ZNF746: variants seen among roughly 807,000 people sequenced by gnomAD.
ZNF746 encodes zinc finger protein 746.
A neutral mutation model predicts 41.0 loss-of-function variants in ZNF746; 13 were observed. The ratio of observed to expected loss-of-function variants is 0.32; its 90% CI spans 0.21 to 0.50. The LOEUF (loss-of-function observed/expected upper bound fraction) is 0.50, where lower values mean the gene tolerates loss of function less well. Ranked by LOEUF, ZNF746 falls within the 20% of genes least tolerant of loss-of-function variation. The pLI, the probability that ZNF746 is intolerant of heterozygous loss-of-function variation, is 0.98. For synonymous variants in ZNF746, 424 were observed against 396.2 expected (o/e 1.07, Z -0.83); for missense variants, 811 against 922.9 (o/e 0.88, Z 1.57).
chr7:149,476,708 C>T (rs1323732518), intron 6 of ZNF746, among the ~76,000 whole-genome samples: 1 of 152,194 alleles, frequency 6.6e-6, no homozygotes, highest in Admixed American at 6.5e-5. Flanking sequence ...AAGCAACAGA[C>T]TGAAACATGG....
intron 4 of ZNF746, among the ~76,000 whole-genome samples, chr7:149,485,593 C>T (rs1477442651): frequency 6.6e-6 from 1 of 152,102 alleles, no homozygotes; most frequent in African/African-American, 2.4e-5. Context: ...TTCTTAATTG[C>T]TTAAGACACA....
At chr7:149,486,915 A>G (rs554566391) in intron 4 of ZNF746, among the ~76,000 whole-genome samples, 1 of 152,330 alleles carries the variant, frequency 6.6e-6, no homozygotes, top group South Asian at 2.1e-4. Context: ...TATAATACAC[A>G]GTAACAATGT....
chr7:149,483,760 AAGAT>A (rs1800547719), intron 4 of ZNF746, among the ~76,000 whole-genome samples: 1 of 152,210 alleles, frequency 6.6e-6, no homozygotes, highest in South Asian at 2.1e-4. Flanking sequence ...AGAGAAGACA[AAGAT>A]AGAATATAGT....
chr7:149,483,906 G>A (rs536548019), intron 4 of ZNF746, among the ~76,000 whole-genome samples: 4 of 152,262 alleles, frequency 2.6e-5, no homozygotes, highest in Middle Eastern at 3.4e-3. Context: ...AAATGCAGCA[G>A]AGATTTAAAA....
At position 149,474,717 on chromosome 7, in the gene ZNF746, G is replaced by C. The variant is rs746556439; in HGVS notation, c.1650C>G (p.Gly550=). The C allele has an allele frequency of 1.9e-6, 3 of 1,611,690 alleles. No homozygotes were observed. The South Asian group carries it at 3.3e-5, about 18-fold the overall frequency. The change falls in exon 7 of 7, where the codon GGC becomes GGG. Residue 550 remains glycine, a synonymous_variant. Coordinates refer to ENST00000458143, the MANE Select transcript of ZNF746 (RefSeq NM_001394198.1). The surrounding 1 kb of genome is among the most constrained non-coding windows in gnomAD (Gnocchi z 6.3). Reference sequence around the variant, plus strand: ...ACTCGGTGCAGGGGAAGGGCCGCTCGCCGGTGTGCAGCATGCGATGGCGGA... The same window carrying C: ...ACTCGGTGCAGGGGAAGGGCCGCTCCCCGGTGTGCAGCATGCGATGGCGGA... ...HLIRHRMLHT[G]ERPFPCTECE... is the part of the protein sequence containing the mutation.
intron 4 of ZNF746, among the ~76,000 whole-genome samples, chr7:149,478,198 G>C (rs574619802): frequency 1.1e-3 from 164 of 152,046 alleles, no homozygotes; most frequent in Non-Finnish European, 2.0e-3. Flanking sequence ...AGTCAATCAC[G>C]AGTTACAGTG....
intron 4 of ZNF746, 61 bp downstream of exon 4, chr7:149,492,798 C>T (rs1160886575): frequency 8.2e-7 from 1 of 1,214,564 alleles, no homozygotes; most frequent in Non-Finnish European, 1.2e-6. Context: ...CCTTTCTGGC[C>T]TTTCCGTCTC....
chr7:149,474,750 C>A lies in ZNF746; in HGVS notation c.1617G>T (p.Ala539=). Residue 539 remains alanine (A), a synonymous_variant, in exon 7 of 7, where the codon GCG becomes GCT. Coordinates refer to ENST00000458143, the MANE Select transcript of ZNF746 (RefSeq NM_001394198.1). This position sits in a 1 kb window ranked among gnomAD's most constrained non-coding sequence, Gnocchi z 6.3. ...GCAGCATGCGATGGCGGATGAGGTGCGCGGGGCGCGTGAAGCAACGGCCGC... is the reference window on the plus strand; with the variant it reads ...GCAGCATGCGATGGCGGATGAGGTGAGCGGGGCGCGTGAAGCAACGGCCGC... ...GECGRCFTRP[A]HLIRHRMLHT... is the part of the protein sequence containing the mutation. The A allele has an allele frequency of 6.3e-7, 1 of 1,599,314 alleles. No individual in the cohort carries two copies.
intron 4 of ZNF746, among the ~76,000 whole-genome samples, chr7:149,485,559 T>C (rs1562989560): frequency 6.6e-6 from 1 of 152,204 alleles, no homozygotes; most frequent in African/African-American, 2.4e-5. Flanking sequence ...ACTGGTGTAC[T>C]ACAACATTGA....
rs954658667 is a variant in ZNF746, at chr7:149,474,837, G to A, written c.1530C>T (p.Gly510=). 23 of 1,405,862 alleles carry A rather than the reference G, an allele frequency of 1.6e-5. No homozygotes were observed. The Admixed American group carries it at 5.4e-4, about 33-fold the overall frequency. The allele number at this position is 1,405,862 out of a possible 1,614,324, so 87.1% of individuals were successfully genotyped here. A position where few individuals can be genotyped will look rare whatever the true frequency, so the allele number is the denominator to read the frequency against. ...GTGGGGSGSG[G]GGGGSGGGSA... is the part of the protein sequence containing the mutation. ...TGCCCCCACCGCTGCCGCCACCGCC[G>A]CCGCCACTGCCGCTGCCGCCACCGC... The change falls in exon 7 of 7, where the codon GGC becomes GGT. Residue 510 remains glycine, a synonymous_variant. Coordinates refer to ENST00000458143, the MANE Select transcript of ZNF746 (RefSeq NM_001394198.1). The surrounding 1 kb of genome is among the most constrained non-coding windows in gnomAD (Gnocchi z 6.3).
At chr7:149,495,099 A>C (rs1800951823) in intron 1 of ZNF746, among the ~76,000 whole-genome samples, 1 of 152,082 alleles carries the variant, frequency 6.6e-6, no homozygotes, top group South Asian at 2.1e-4. Context: ...ACAAACATAA[A>C]AATCTAATGG....
At chr7:149,489,213 G>C (rs1019552161) in intron 4 of ZNF746, 4 of 143,706 alleles carry the variant, frequency 2.8e-5, no homozygotes, top group Non-Finnish European at 4.5e-5. Flanking sequence ...GAATTTAAAT[G>C]CTATCAGAAA....
rs373793986 is a variant in ZNF746 at position 149,494,381 on chromosome 7, G to A, written c.147C>T (p.Cys49=). The change falls in exon 2 of 7, where the codon TGC becomes TGT. Residue 49 remains cysteine, a synonymous_variant. Transcript: ENST00000458143. The surrounding 1 kb of genome is among the most constrained non-coding windows in gnomAD (Gnocchi z 5.6). ...TGMAEKKLAD[C]EKTAVEFGNQ... ...TCCCGAACTCCACGGCTGTCTTCTC[G>A]CAATCAGCCAGCTTCTTCTCGGCCA... is the stretch of plus-strand genomic sequence containing the variant. The A allele has an allele frequency of 1.4e-4, 218 of 1,613,964 alleles. 1 individual carries two copies. The highest frequency in any genetic ancestry group is 8.1e-4 in the African/African-American group (61 of 75,018).
chr7:149,480,467 C>T (rs1406106542), intron 4 of ZNF746, among the ~76,000 whole-genome samples: 1 of 152,116 alleles, frequency 6.6e-6, no homozygotes, highest in African/African-American at 2.4e-5. Flanking sequence ...GAGTCTCGCT[C>T]TGTTGCCCAG....
chr7:149,485,355 A>G (rs1006177712), intron 4 of ZNF746, among the ~76,000 whole-genome samples: 6 of 152,214 alleles, frequency 3.9e-5, no homozygotes, highest in Non-Finnish European at 8.8e-5. Context: ...CCCCAACTGG[A>G]ATTTTTCATG....
At chr7:149,495,688 T>TA (rs1562994886) in intron 1 of ZNF746, among the ~76,000 whole-genome samples, 2 of 152,174 alleles carry the variant, frequency 1.3e-5, no homozygotes, top group Non-Finnish European at 2.9e-5. Context: ...TGGATTCACT[T>TA]AGAGAAAGTC....
intron 6 of ZNF746, among the ~76,000 whole-genome samples, chr7:149,476,455 G>GT (rs56141489): frequency 0.24 from 36,143 of 151,498 alleles, 4,467 homozygotes; most frequent in Middle Eastern, 0.36. Flanking sequence ...CGTTATTATA[G>GT]TAACAGGTGA....
rs774420420 is a variant in ZNF746 at position 149,475,176 on chromosome 7, C to G, written c.1191G>C (p.Trp397Cys). Residue 397 changes from tryptophan to cysteine, a missense_variant, in exon 7 of 7, where the codon TGG (tryptophan) becomes TGC (cysteine). By Grantham distance (215) the Trp-to-Cys change is radical. This residue lies in a region of ZNF746 where 495 missense variants were observed against 481.6 expected (regional missense o/e 1.03). Coordinates refer to ENST00000458143, the MANE Select transcript of ZNF746 (RefSeq NM_001394198.1). Reference sequence around the variant, plus strand: ...CCACTGGCGGTTTACACCGGAAATTCCAGCCCCACCGGACCCCTCCGAAGA... The same window carrying G: ...CCACTGGCGGTTTACACCGGAAATTGCAGCCCCACCGGACCCCTCCGAAGA... The part of the protein sequence containing the change: ...DWLFGGVRWG[W>C]NFRCKPPVGL... 1 of 1,612,684 alleles carries G rather than the reference C, an allele frequency of 6.2e-7. No individual in the cohort carries two copies.
intron 6 of ZNF746, 122 bp from the exon 7 acceptor site, chr7:149,475,605 T>C: frequency 6.7e-7 from 1 of 1,487,592 alleles, no homozygotes; most frequent in Non-Finnish European, 8.9e-7. Context: ...CCCTCGTGGC[T>C]GAGCCCAGAG....
Sources: allele counts gnomAD v4.1 joint callset (sites outside exome capture counted in the v4.1 genomes callset), GRCh38; gene constraint gnomAD v4.1.1; regional missense constraint gnomAD v4.1.1; non-coding constraint Gnocchi (gnomAD v3.1); transcripts MANE v1.5; gene names NCBI Gene and HGNC (gene_info 2026-07-23, HGNC 2026-07-21).